Variants in RAD51 observed in about 807,000 individuals in gnomAD.
The protein encoded by RAD51 is RAD51 recombinase.
RAD51 carries 14 observed loss-of-function variants against 41.5 expected under a neutral mutation model. The observed-to-expected ratio is 0.34, with a 90% CI of 0.22 to 0.53. RAD51 has a LOEUF of 0.53. RAD51 is among the 20% of genes least tolerant of loss of function. RAD51 has a pLI of 0.95. For synonymous variants in RAD51, 136 were observed against 148.6 expected, an observed-to-expected ratio of 0.92 and a Z score of 0.62; for missense variants, 234 against 422.0, an observed-to-expected ratio of 0.55 and a Z score of 3.90.
chr15:40,730,103 A>C (rs1427522345), intron 9 of RAD51, 129 bp downstream of exon 9: 30 of 1,303,984 alleles, frequency 2.3e-5, no homozygotes, highest in Non-Finnish European at 3.2e-5. Flanking sequence ...ACTCTTGCTA[A>C]TCTAATTAAC....
At position 40,731,246 on chromosome 15, in the gene RAD51, G is replaced by T. The variant is rs1596030327; in HGVS notation, c.*68G>T. 3 of 1,602,910 alleles carry T rather than the reference G, an allele frequency of 1.9e-6. No homozygotes were observed. The highest frequency in any genetic ancestry group is 1.7e-5 in the Admixed American group (1 of 59,878). On this transcript the variant is annotated 3_prime_UTR_variant, in exon 10 of 10. Transcript: ENST00000267868. ...CCTAATGAGAGTGCACTGCTCCCTG[G>T]GGTTCTCTACAGGCCTCTTCCTGTT...
At chr15:40,728,227 G>C (rs908617112) in intron 6 of RAD51, among the ~76,000 whole-genome samples, 4 of 152,180 alleles carry the variant, frequency 2.6e-5, no homozygotes, top group African/African-American at 9.6e-5. Context: ...ATTTTGGGAG[G>C]CCAAGGTGGG....
At chr15:40,705,039 G>T (rs1398745679) in intron 3 of RAD51, among the ~76,000 whole-genome samples, 1 of 151,672 alleles carries the variant, frequency 6.6e-6, no homozygotes, top group Non-Finnish European at 1.5e-5. Context: ...CAAACTCCTG[G>T]CTTCCAGCAG....
At chr15:40,730,936 T>C (rs1260007786) in intron 9 of RAD51, 119 bp from the exon 10 acceptor site, 1 of 1,338,790 alleles carries the variant, frequency 7.5e-7, no homozygotes, top group Non-Finnish European at 1.0e-6. Flanking sequence ...TACAGAAACA[T>C]TCCCAGGGTC....
At chr15:40,727,403 G>T (rs1027985378) in intron 6 of RAD51, among the ~76,000 whole-genome samples, 7 of 152,160 alleles carry the variant, frequency 4.6e-5, no homozygotes, top group African/African-American at 1.4e-4. Context: ...CTGCCTCCCG[G>T]TTTCAAGCGA....
chr15:40,701,955 T>G (rs948279261), intron 3 of RAD51: 7 of 298,486 alleles, frequency 2.3e-5, no homozygotes, highest in Non-Finnish European at 3.4e-5. Context: ...AGCTAATTTT[T>G]GTATTTTTAT....
In RAD51 at chr15:40,731,527, A is replaced by G. The variant is rs1896875301; in HGVS notation, c.*349A>G. 1 of 358,348 alleles carries G rather than the reference A, an allele frequency of 2.8e-6. No individual in the cohort carries two copies. The highest frequency in any genetic ancestry group is 2.0e-5 in the African/African-American group (1 of 49,412). The allele number at this position is 358,348 out of a possible 1,614,324, so 22.2% of individuals were successfully genotyped here. A position where few individuals can be genotyped will look rare whatever the true frequency, so the allele number is the denominator to read the frequency against. On this transcript the variant is annotated 3_prime_UTR_variant, in exon 10 of 10. Transcript: ENST00000267868. ...GTTTCCAAGAGAACTAAAGCTGGAG[A>G]GACCTGACCCTTCTCTCACTTCTAA...
At chr15:40,700,930 C>T (rs369880798) in intron 2 of RAD51, 134 bp from the exon 3 acceptor site, 2 of 758,372 alleles carry the variant, frequency 2.6e-6, no homozygotes, top group African/African-American at 3.7e-5. Flanking sequence ...TCTCCCCCCG[C>T]CCCCCCAAGG....
intron 5 of RAD51, among the ~76,000 whole-genome samples, chr15:40,710,811 A>G (rs1895668049): frequency 1.3e-5 from 2 of 152,148 alleles, no homozygotes; most frequent in African/African-American, 4.8e-5. Context: ...GGCCCATTCT[A>G]TCAATATGAT....
At chr15:40,716,458 C>A (rs868647136) in intron 5 of RAD51, among the ~76,000 whole-genome samples, 1 of 151,922 alleles carries the variant, frequency 6.6e-6, no homozygotes, top group Non-Finnish European at 1.5e-5. Context: ...CTCCGCCTCC[C>A]AGGTTCAAGT....
At chr15:40,729,477 G>A in intron 7 of RAD51, 28 bp from the exon 8 acceptor site, 5 of 1,610,572 alleles carry the variant, frequency 3.1e-6, no homozygotes, top group Middle Eastern at 1.7e-4. Context: ...GCTAGAAATA[G>A]GCTTCAGAGA....
chr15:40,719,905 A>G (rs1030204560), intron 6 of RAD51, among the ~76,000 whole-genome samples: 15 of 152,164 alleles, frequency 9.9e-5, no homozygotes, highest in African/African-American at 3.4e-4. Flanking sequence ...TCAGGAAGAT[A>G]TAACAGTTGT....
intron 6 of RAD51, among the ~76,000 whole-genome samples, chr15:40,725,726 C>T (rs1002718446): frequency 1.3e-5 from 2 of 151,928 alleles, no homozygotes; most frequent in Admixed American, 6.6e-5. Context: ...CGGTGGCTCA[C>T]GCCTGTAATC....
intron 6 of RAD51, among the ~76,000 whole-genome samples, chr15:40,727,395 G>A (rs949342531): frequency 6.6e-6 from 1 of 152,008 alleles, no homozygotes; most frequent in African/African-American, 2.4e-5. Context: ...TGCAACCTCT[G>A]CCTCCCGGTT....
intron 2 of RAD51, among the ~76,000 whole-genome samples, chr15:40,700,306 GAC>G (rs1049165329): frequency 6.6e-6 from 1 of 152,154 alleles, no homozygotes; most frequent in African/African-American, 2.4e-5. Context: ...AAAAGTCCCT[GAC>G]AAAAAGTAGT....
chr15:40,695,750 T>C (rs1219635467), intron 1 of RAD51: 3 of 152,272 alleles, frequency 2.0e-5, no homozygotes, highest in African/African-American at 7.2e-5. Flanking sequence ...ATTCCTGATC[T>C]GTCTTTCCAT....
intron 7 of RAD51, 34 bp downstream of exon 7, chr15:40,728,858 T>C: frequency 4.6e-6 from 7 of 1,534,366 alleles, no homozygotes; most frequent in Non-Finnish European, 6.3e-6. Flanking sequence ...AAATATGTTC[T>C]TAAGAGTCCT....
chr15:40,704,506 C>A (rs150687335), intron 3 of RAD51, among the ~76,000 whole-genome samples: 1 of 151,506 alleles, frequency 6.6e-6, no homozygotes, highest in Non-Finnish European at 1.5e-5. Context: ...GGACTACAGG[C>A]GCACGCCACC....
chr15:40,714,857 C>T (rs1376107367), intron 5 of RAD51, among the ~76,000 whole-genome samples: 4 of 152,286 alleles, frequency 2.6e-5, no homozygotes, highest in Admixed American at 1.3e-4. Context: ...TTAGCCCATG[C>T]TTGTTCAAAG....
Sources: gnomAD v4.1 joint callset for allele counts (sites outside exome capture counted in the v4.1 genomes callset) on GRCh38, gnomAD v4.1.1 for gene constraint, MANE v1.5 for transcripts, NCBI Gene and HGNC (gene_info 2026-07-23, HGNC 2026-07-21) for gene names.